The following MVP variants were observed in gnomAD, a reference collection of about 807,000 sequenced individuals.
The protein encoded by MVP is lung resistance-related protein.
A neutral mutation model predicts 83.5 loss-of-function variants in MVP; 62 were observed. That is an observed-to-expected ratio of 0.74 (90% CI 0.61 to 0.92). The LOEUF (loss-of-function observed/expected upper bound fraction) is 0.92. MVP is among the 40% of genes least tolerant of loss of function. The pLI is 0.00. For missense variants in MVP, 1,000 were observed against 1,203.4 expected, an observed-to-expected ratio of 0.83 and a Z score of 2.50; for synonymous variants, 505 against 504.1, an observed-to-expected ratio of 1.00 and a Z score of -0.02.
intron 6 of MVP, among the ~76,000 whole-genome samples, chr16:29,836,242 TGG>T (rs2067485811): frequency 1.5e-5 from 2 of 137,426 alleles, no homozygotes; most frequent in South Asian, 4.6e-4. Context: ...TGCTCCAGCC[TGG>T]GCAACAGAGC....
chr16:29,845,780 T>G, intron 11 of MVP, 83 bp from the exon 12 acceptor site: 10 of 1,232,300 alleles, frequency 8.1e-6, no homozygotes, highest in East Asian at 2.4e-5. Context: ...GGGCACCGGT[T>G]TGGTTGGTGG....
chr16:29,841,925 G>A lies in MVP; in HGVS notation c.1447G>A (p.Gly483Arg), dbSNP rs771357789. The A allele has an allele frequency of 1.9e-5, 31 of 1,612,220 alleles. No individual in the cohort carries two copies. Among genetic ancestry groups the A allele is most frequent in the South Asian group, 3.3e-5 (3 of 91,066 alleles). The part of the protein sequence containing the change: ...YREKRARVVF[G>R]PELVSLGPEE... ...CGGCTGTCTCTGCAGCGTGGTCTTCGGGCCTGAGCTGGTGTCGCTGGGTCC... is the reference window on the plus strand; with the variant it reads ...CGGCTGTCTCTGCAGCGTGGTCTTCAGGCCTGAGCTGGTGTCGCTGGGTCC... Residue 483 changes from glycine (G) to arginine (R), a missense_variant, in exon 10 of 15, where the codon GGG (glycine) becomes AGG (arginine). By Grantham distance (125) the Gly-to-Arg change is moderately radical (BLOSUM62 -2). Coordinates refer to ENST00000357402, the MANE Select transcript of MVP (RefSeq NM_005115.5). This position sits in a 1 kb window ranked among gnomAD's most constrained non-coding sequence, Gnocchi z 4.7.
At chr16:29,839,655 G>C (rs940175677) in intron 7 of MVP, among the ~76,000 whole-genome samples, 1 of 151,332 alleles carries the variant, frequency 6.6e-6, no homozygotes, top group Non-Finnish European at 1.5e-5. Context: ...GTGGTGATGC[G>C]CATCTGTAGT....
chr16:29,845,284 G>T (rs949133513), intron 11 of MVP, among the ~76,000 whole-genome samples: 1 of 151,478 alleles, frequency 6.6e-6, no homozygotes, highest in African/African-American at 2.4e-5. Context: ...CCTTCCTGCA[G>T]CTCCAGCCGG....
chr16:29,827,413 G>A (rs918672144), intron 1 of MVP, among the ~76,000 whole-genome samples: 5 of 152,144 alleles, frequency 3.3e-5, no homozygotes, highest in Non-Finnish European at 5.9e-5. Flanking sequence ...TTGTAAGCCC[G>A]GGCAGTCTGG....
intron 7 of MVP, among the ~76,000 whole-genome samples, chr16:29,839,394 T>G (rs2067514401): frequency 6.6e-6 from 1 of 152,102 alleles, no homozygotes; most frequent in Non-Finnish European, 1.5e-5. Flanking sequence ...CAGTGATGGT[T>G]GGACAACTTT....
chr16:29,824,379 C>G (rs990288903), intron 1 of MVP, among the ~76,000 whole-genome samples: 18 of 152,088 alleles, frequency 1.2e-4, no homozygotes, highest in African/African-American at 4.3e-4. Flanking sequence ...GGGTGGGGCC[C>G]CAGGCTGTGT....
chr16:29,828,672 G>A (rs551749198), intron 1 of MVP, among the ~76,000 whole-genome samples: 9 of 152,274 alleles, frequency 5.9e-5, no homozygotes, highest in East Asian at 1.9e-4. Flanking sequence ...GAGCCACCAC[G>A]CCCGGCCAAG....
chr16:29,840,892 T>C (rs2150758202), intron 8 of MVP, among the ~76,000 whole-genome samples: 1 of 150,454 alleles, frequency 6.6e-6, no homozygotes, highest in East Asian at 2.0e-4. Context: ...TGAGCCGAGA[T>C]CACACCACTG....
chr16:29,828,643 G>A (rs1368506651), intron 1 of MVP, among the ~76,000 whole-genome samples: 2 of 152,202 alleles, frequency 1.3e-5, no homozygotes, highest in African/African-American at 2.4e-5. Flanking sequence ...GCCTCCCAAA[G>A]TGCTGGGATT....
intron 10 of MVP, among the ~76,000 whole-genome samples, chr16:29,844,272 G>T (rs1268048443): frequency 6.6e-6 from 1 of 152,154 alleles, no homozygotes; most frequent in African/African-American, 2.4e-5. Flanking sequence ...GAGAGACCCT[G>T]CCCGGCCACA....
At chr16:29,837,140 C>T (rs1186550072) in intron 7 of MVP, among the ~76,000 whole-genome samples, 182 bp downstream of exon 7, 2 of 152,222 alleles carry the variant, frequency 1.3e-5, no homozygotes, top group Non-Finnish European at 2.9e-5. Context: ...CTCTGACTTA[C>T]CCCTCAGACC....
At chr16:29,834,740 C>T (rs1056236918) in intron 5 of MVP, 17 of 150,864 alleles carry the variant, frequency 1.1e-4, no homozygotes, top group African/African-American at 3.7e-4. Flanking sequence ...GGTTGGAGTG[C>T]AGTGGCGCGA....
chr16:29,823,784 G>A (rs1325239507), intron 1 of MVP, among the ~76,000 whole-genome samples: 1 of 151,180 alleles, frequency 6.6e-6, no homozygotes, highest in South Asian at 2.1e-4. Flanking sequence ...CGGAGCTGCA[G>A]TGATCCGAGA....
In MVP at chr16:29,841,997, C is replaced by A; in HGVS notation, c.1519C>A (p.Arg507Ser). ...VLSLSAGRPK[R>S]PHARRALCLL... is the part of the protein sequence containing the mutation. ...GTCCCTCTCAGCTGGGCGGCCCAAG[C>A]GTCCCCATGCCCGCCGTGCGCTCTG... The change falls in exon 10 of 15, where the codon CGT becomes AGT. Residue 507 changes from arginine (R) to serine (S), a missense_variant. Arg to Ser is a moderately radical substitution (Grantham distance 110). Coordinates refer to ENST00000357402, the MANE Select transcript of MVP (RefSeq NM_005115.5). The surrounding 1 kb of genome is among the most constrained non-coding windows in gnomAD (Gnocchi z 4.7). 1 of 1,612,258 alleles carries A rather than the reference C, an allele frequency of 6.2e-7. No individual in the cohort carries two copies. Among genetic ancestry groups the A allele is most frequent in the Non-Finnish European group, 8.5e-7 (1 of 1,180,008 alleles).
At chr16:29,826,568 A>C (rs1443244430) in intron 1 of MVP, among the ~76,000 whole-genome samples, 1 of 148,370 alleles carries the variant, frequency 6.7e-6, no homozygotes, top group Non-Finnish European at 1.5e-5. Context: ...TCAAGGCTAC[A>C]GTGAGCTGTG....
chr16:29,834,787 A>T (rs1284775598), intron 5 of MVP: 1 of 144,102 alleles, frequency 6.9e-6, no homozygotes, highest in Non-Finnish European at 1.5e-5. Flanking sequence ...CTGGGTTCAC[A>T]CCATTCTCCT....
intron 6 of MVP, 63 bp downstream of exon 6, chr16:29,835,861 G>C: frequency 7.4e-7 from 1 of 1,354,570 alleles, no homozygotes; most frequent in African/African-American, 1.4e-5. Flanking sequence ...GAGTGGCAGA[G>C]AATGGTGGTA....
intron 7 of MVP, among the ~76,000 whole-genome samples, chr16:29,838,033 GTTC>G (rs1223254950): frequency 4.6e-5 from 7 of 152,166 alleles, no homozygotes; most frequent in Non-Finnish European, 8.8e-5. Context: ...TTCTGTGGAA[GTTC>G]TTCAACTCTG....
Sources: allele counts gnomAD v4.1 joint callset (sites outside exome capture counted in the v4.1 genomes callset), GRCh38; gene constraint gnomAD v4.1.1; non-coding constraint Gnocchi (gnomAD v3.1); transcripts MANE v1.5; gene names NCBI Gene and HGNC (gene_info 2026-07-23, HGNC 2026-07-21).